DYNC2I1: variants seen among roughly 807,000 people sequenced by gnomAD.
DYNC2I1 encodes dynein 2 intermediate chain 1, also known as cytoplasmic dynein 2 intermediate chain 1.
In DYNC2I1, 89 loss-of-function variants were observed where a neutral mutation model predicts 133.4. The ratio of observed to expected loss-of-function variants is 0.67; its 90% CI spans 0.56 to 0.80. DYNC2I1 has a LOEUF of 0.80. Among genes scored for constraint, DYNC2I1 ranks in the 30% least tolerant of loss-of-function variants. The probability of loss-of-function intolerance (pLI) is 0.00; values close to 1 mark genes in which losing one functional copy is unlikely to be tolerated. For missense variants in DYNC2I1, 1,291 were observed against 1,314.5 expected (o/e 0.98, Z 0.28); for synonymous variants, 504 against 484.3 (o/e 1.04, Z -0.54).
Position 158,871,173 on chromosome 7 carries a change from G to A in DYNC2I1, c.101G>A (p.Arg34Lys), listed in dbSNP as rs749780866. 1.2e-6 allele frequency: 2 copies of A among 1,613,538 alleles called. No individual in the cohort carries two copies. The highest frequency in any genetic ancestry group is 1.7e-6 in the Non-Finnish European group (2 of 1,179,662). Residue 34 changes from arginine (R) to lysine (K), a missense_variant, in exon 3 of 25, where the codon AGA becomes AAA. Physicochemically the swap from Arg to Lys is conservative, Grantham distance 26. Transcript: ENST00000407559. ...AIQSGGSKEE[R>K]KHREKKLRKE... The stretch of plus-strand genomic sequence containing the variant: ...CAGTCAGGTGGTTCCAAGGAAGAAA[G>A]AAAGCACAGAGAGAAGAAGCTGCGT...
At chr7:158,870,238 A>G (rs1842761388) in intron 2 of DYNC2I1, among the ~76,000 whole-genome samples, 1 of 152,192 alleles carries the variant, frequency 6.6e-6, no homozygotes, top group Non-Finnish European at 1.5e-5. Flanking sequence ...TTTTAGAACG[A>G]GGGTCCTTGT....
At chr7:158,846,214 G>A in the DYNC2I1 span, among the ~76,000 whole-genome samples, 1 of 152,132 alleles carries the variant, frequency 6.6e-6, no homozygotes, top group Non-Finnish European at 1.5e-5. Flanking sequence ...AGCTGAGATT[G>A]CACCACTGCA....
At chr7:158,889,785 T>A (rs751871732) in intron 7 of DYNC2I1, among the ~76,000 whole-genome samples, 3 of 151,800 alleles carry the variant, frequency 2.0e-5, no homozygotes, top group Non-Finnish European at 2.9e-5. Context: ...AGGGGGATCA[T>A]CTGAGGTCAG....
intron 8 of DYNC2I1, among the ~76,000 whole-genome samples, chr7:158,899,823 A>G (rs551823479): frequency 3.9e-5 from 6 of 152,232 alleles, no homozygotes; most frequent in Admixed American, 6.5e-5. Context: ...TGTAAGTCCA[A>G]TGAAACCTCT....
chr7:158,894,136 C>CGCATATCCTACT (rs1563126408), intron 8 of DYNC2I1, among the ~76,000 whole-genome samples: 8 of 76,096 alleles, frequency 1.1e-4, no homozygotes, highest in South Asian at 4.8e-4. Flanking sequence ...CATATCATAC[C>CGCATATCCTACT]GCATATCCTA....
downstream of DYNC2I1, among the ~76,000 whole-genome samples, chr7:158,958,003 A>C (rs532295524): frequency 1.0e-5 from 1 of 100,338 alleles, no homozygotes; most frequent in South Asian, 3.6e-4. Flanking sequence ...GCCTCAATTT[A>C]CTCACTATCT....
At chr7:158,886,887 C>T (rs1306592654) in intron 6 of DYNC2I1, 134 bp from the exon 7 acceptor site, 2 of 810,650 alleles carry the variant, frequency 2.5e-6, no homozygotes, top group Admixed American at 5.0e-5. Context: ...AGGTGCAAGT[C>T]ATCGCTCCTG....
intron 4 of DYNC2I1, among the ~76,000 whole-genome samples, chr7:158,878,871 G>A (rs1336220722): frequency 2.1e-5 from 3 of 145,792 alleles, no homozygotes; most frequent in Admixed American, 6.8e-5. Context: ...AGGGCCGACT[G>A]TGAGTGCCGG....
chr7:158,902,559 C>A lies in DYNC2I1; in HGVS notation c.1321C>A (p.Arg441=), dbSNP rs766663693. Residue 441 remains arginine, a synonymous_variant, in exon 10 of 25, where the codon CGA becomes AGA. Transcript: ENST00000407559. ...GTTATCTTTGAAACTGTTTCAGAAG[C>A]GAGGTAGAACAGAATTTGAAAAGGA... is the stretch of plus-strand genomic sequence containing the variant. ...GELSLKLFQK[R]GRTEFEKEPR... 1.2e-6 allele frequency: 2 copies of A among 1,613,804 alleles called. No homozygotes were observed. Among genetic ancestry groups the A allele is most frequent in the African/African-American group, 2.7e-5 (2 of 74,914 alleles).
intron 24 of DYNC2I1, among the ~76,000 whole-genome samples, 179 bp downstream of exon 24, chr7:158,942,327 G>A (rs1271509732): frequency 6.6e-6 from 1 of 152,204 alleles, no homozygotes; most frequent in Non-Finnish European, 1.5e-5. Flanking sequence ...TGAGAGCGGT[G>A]TTAGGTTCAC....
At chr7:158,899,370 A>G (rs1365864687) in intron 8 of DYNC2I1, among the ~76,000 whole-genome samples, 1 of 152,220 alleles carries the variant, frequency 6.6e-6, no homozygotes, top group African/African-American at 2.4e-5. Context: ...ACCTAAGCAT[A>G]CGTAATTGAA....
chr7:158,869,977 C>A, intron 2 of DYNC2I1, 69 bp downstream of exon 2: 1 of 1,366,398 alleles, frequency 7.3e-7, no homozygotes. Context: ...CCTGCTTTAC[C>A]TGGTACACAA....
At chr7:158,949,801 C>T (rs1340916573), downstream of DYNC2I1, among the ~76,000 whole-genome samples, 6 of 151,012 alleles carry the variant, frequency 4.0e-5, no homozygotes, top group Non-Finnish European at 8.8e-5. Context: ...GACGGAGTTT[C>T]GCTCTCCTTG....
intron 11 of DYNC2I1, among the ~76,000 whole-genome samples, chr7:158,908,507 G>T (rs957386699): frequency 6.6e-5 from 10 of 152,168 alleles, no homozygotes; most frequent in Admixed American, 3.9e-4. Context: ...TATCCCTAAT[G>T]CATAAAATGT....
chr7:158,913,714 A>G (rs1847719520), intron 13 of DYNC2I1, among the ~76,000 whole-genome samples: 1 of 151,890 alleles, frequency 6.6e-6, no homozygotes, highest in South Asian at 2.1e-4. Flanking sequence ...CTTTGAAAAA[A>G]AATTTTTTTT....
At chr7:158,867,657 G>A (rs1425230344) in intron 1 of DYNC2I1, among the ~76,000 whole-genome samples, 1 of 152,108 alleles carries the variant, frequency 6.6e-6, no homozygotes, top group East Asian at 1.9e-4. Context: ...TGGCGTGGGG[G>A]GACGTTAGGG....
In DYNC2I1 at chr7:158,889,062, CA is replaced by C. The variant is rs1563117273; in HGVS notation, c.990+1988del. 3.0e-3 allele frequency among the ~76,000 whole-genome samples: 422 copies of C among 142,710 alleles called. 11 individuals are homozygous for C. The highest frequency in any genetic ancestry group is 0.019 in the Admixed American group (279 of 14,492). The allele number at this position is 142,710 out of a possible 152,430, so 93.6% of individuals were successfully genotyped here. On this transcript the variant is annotated intron_variant, in intron 7 of 24. Coordinates refer to ENST00000407559, the MANE Select transcript of DYNC2I1 (RefSeq NM_018051.5). Reference sequence around the variant, plus strand: ...ACACACACACACACACACACACACACACACCCCTCCTGTTTTTCTTTTTTTT... The same window carrying C: ...ACACACACACACACACACACACACACCACCCCTCCTGTTTTTCTTTTTTTT...
At chr7:158,887,867 G>T (rs1844762403) in intron 7 of DYNC2I1, among the ~76,000 whole-genome samples, 1 of 152,074 alleles carries the variant, frequency 6.6e-6, no homozygotes. Context: ...TGTACCCTGT[G>T]CTGAGCTTGT....
At chr7:158,903,986 T>A (rs926088672) in intron 10 of DYNC2I1, 5 of 152,240 alleles carry the variant, frequency 3.3e-5, no homozygotes, top group Non-Finnish European at 7.3e-5. Flanking sequence ...GTCATACACA[T>A]TGCTCCAGGT....
Sources: gnomAD v4.1 joint callset for allele counts (sites outside exome capture counted in the v4.1 genomes callset) on GRCh38, gnomAD v4.1.1 for gene constraint, MANE v1.5 for transcripts, NCBI Gene and HGNC (gene_info 2026-07-23, HGNC 2026-07-21) for gene names.